SLMAP: variants seen among roughly 807,000 people sequenced by gnomAD.
SLMAP encodes sarcolemma associated protein.
Under a neutral mutation model 128.8 loss-of-function variants are expected in SLMAP, and 44 were observed. The ratio of observed to expected loss-of-function variants is 0.34; its 90% CI spans 0.27 to 0.44. The LOEUF is 0.44. Ranked by LOEUF, SLMAP falls within the 20% of genes least tolerant of loss-of-function variation. The pLI is 1.00. For synonymous variants in SLMAP, 327 were observed against 348.8 expected, an observed-to-expected ratio of 0.94 and a Z score of 0.70; for missense variants, 787 against 985.3, an observed-to-expected ratio of 0.80 and a Z score of 2.69.
intron 2 of SLMAP, among the ~76,000 whole-genome samples, chr3:57,758,180 G>A (rs1280243550): frequency 2.0e-5 from 3 of 152,214 alleles, no homozygotes; most frequent in African/African-American, 7.2e-5. Context: ...ACAGTTCAGC[G>A]CTTTATTAAG....
intron 2 of SLMAP, among the ~76,000 whole-genome samples, chr3:57,806,660 G>A (rs183010911): frequency 7.0e-4 from 106 of 151,940 alleles, no homozygotes; most frequent in East Asian, 2.7e-3. Context: ...GGCTGTTCTC[G>A]CACTCCTGAC....
At chr3:57,848,414 C>A (rs1345965962) in intron 5 of SLMAP, among the ~76,000 whole-genome samples, 1 of 150,694 alleles carries the variant, frequency 6.6e-6, no homozygotes, top group African/African-American at 2.4e-5. Flanking sequence ...TTTCTTCCTT[C>A]TTTCTTCTTC....
intron 8 of SLMAP, among the ~76,000 whole-genome samples, chr3:57,858,383 GA>G (rs945154052): frequency 1.4e-4 from 22 of 152,148 alleles, no homozygotes; most frequent in Non-Finnish European, 2.4e-4. Flanking sequence ...AATATTTCTT[GA>G]AAAAACTGGG....
At chr3:57,771,240 A>G (rs2080834600) in intron 2 of SLMAP, among the ~76,000 whole-genome samples, 1 of 147,722 alleles carries the variant, frequency 6.8e-6, no homozygotes, top group African/African-American at 2.5e-5. Flanking sequence ...AGAGAGAGAG[A>G]GAGGGAGAGA....
intron 23 of SLMAP, 128 bp from the exon 24 acceptor site, chr3:57,925,717 A>G (rs2096995225): frequency 3.0e-6 from 2 of 662,344 alleles, no homozygotes; most frequent in Admixed American, 2.6e-5. Flanking sequence ...GAATCTGTGT[A>G]AAACCTGAGT....
intron 13 of SLMAP, among the ~76,000 whole-genome samples, chr3:57,867,335 T>C (rs1255702093): frequency 6.6e-6 from 1 of 152,220 alleles, no homozygotes; most frequent in Non-Finnish European, 1.5e-5. Context: ...CTATTTAGAG[T>C]TGTAAAATTA....
intron 14 of SLMAP, among the ~76,000 whole-genome samples, chr3:57,877,831 C>CTTTTTTT (rs57685937): frequency 4.5e-5 from 5 of 111,684 alleles, no homozygotes; most frequent in Non-Finnish European, 7.4e-5. Flanking sequence ...TTTTTTCCTT[C>CTTTTTTT]TTTTTTTTTT....
At chr3:57,856,773 C>G (rs1465639675) in intron 6 of SLMAP, among the ~76,000 whole-genome samples, 1 of 152,122 alleles carries the variant, frequency 6.6e-6, no homozygotes, top group Non-Finnish European at 1.5e-5. Flanking sequence ...GTATTATGTA[C>G]TATATATAAT....
chr3:57,768,212 T>C (rs1013288990), intron 2 of SLMAP, among the ~76,000 whole-genome samples: 4 of 152,192 alleles, frequency 2.6e-5, no homozygotes, highest in South Asian at 2.1e-4. Context: ...TAGTACTGTA[T>C]CTTTTGTCAA....
intron 4 of SLMAP, among the ~76,000 whole-genome samples, chr3:57,846,645 C>T (rs1486161267): frequency 2.0e-5 from 3 of 151,570 alleles, no homozygotes; most frequent in Non-Finnish European, 4.4e-5. Flanking sequence ...CAACCTCCAC[C>T]TCCTGAGTTC....
chr3:57,825,587 A>G (rs947299299), intron 2 of SLMAP, among the ~76,000 whole-genome samples: 2 of 150,862 alleles, frequency 1.3e-5, no homozygotes, highest in Non-Finnish European at 2.9e-5. Context: ...TGAACCACCT[A>G]GGGTAAATCC....
chr3:57,847,072 C>T, intron 4 of SLMAP, 125 bp from the exon 5 acceptor site: 1 of 630,960 alleles, frequency 1.6e-6, no homozygotes, highest in Admixed American at 2.8e-5. Flanking sequence ...AAAAATAGTT[C>T]ACCTTTTTTT....
chr3:57,869,656 A>AT (rs1205359288), intron 13 of SLMAP, among the ~76,000 whole-genome samples: 1 of 136,262 alleles, frequency 7.3e-6, no homozygotes, highest in East Asian at 2.3e-4. Context: ...ATATATATAT[A>AT]TATAATATAT....
chr3:57,836,673 A>G (rs2093656216), intron 3 of SLMAP, among the ~76,000 whole-genome samples: 1 of 152,178 alleles, frequency 6.6e-6, no homozygotes, highest in African/African-American at 2.4e-5. Flanking sequence ...TTCTTTGTGT[A>G]TGGCTTCAAG....
intron 2 of SLMAP, among the ~76,000 whole-genome samples, chr3:57,784,926 C>T (rs1311551544): frequency 6.6e-6 from 1 of 152,136 alleles, no homozygotes; most frequent in Non-Finnish European, 1.5e-5. Flanking sequence ...CTTTTGCCTT[C>T]TGCCATGGTA....
intron 3 of SLMAP, among the ~76,000 whole-genome samples, chr3:57,832,953 A>G (rs1295912949): frequency 6.6e-6 from 1 of 152,232 alleles, no homozygotes; most frequent in Non-Finnish European, 1.5e-5. Flanking sequence ...GAACAGCTGC[A>G]TTAGACACTC....
chr3:57,834,934 C>T (rs889035442), intron 3 of SLMAP, among the ~76,000 whole-genome samples: 1 of 151,804 alleles, frequency 6.6e-6, no homozygotes, highest in East Asian at 1.9e-4. Flanking sequence ...CCAGCCTGGG[C>T]AACATGGTGA....
Position 57,765,493 on chromosome 3 carries a change from A to G in SLMAP, c.198+7644A>G, listed in dbSNP as rs140127894. On this transcript the variant is annotated intron_variant, in intron 2 of 24. Coordinates refer to ENST00000671191, the MANE Select transcript of SLMAP (RefSeq NM_001377540.1). ...AGGGATGATACGGCATGTTCCAAGG[A>G]CATTGTAAGGAAGACATTGTGAAGA... 1.6e-4 allele frequency among the ~76,000 whole-genome samples: 24 copies of G among 152,304 alleles called. No individual in the cohort carries two copies. In the East Asian group the frequency reaches 3.7e-3, roughly 23 times the overall value.
At chr3:57,765,495 A>G (rs1367101519) in intron 2 of SLMAP, among the ~76,000 whole-genome samples, 2 of 152,188 alleles carry the variant, frequency 1.3e-5, no homozygotes, top group African/African-American at 4.8e-5. Context: ...TTCCAAGGAC[A>G]TTGTAAGGAA....
Sources: allele counts gnomAD v4.1 joint callset (sites outside exome capture counted in the v4.1 genomes callset), GRCh38; gene constraint gnomAD v4.1.1; transcripts MANE v1.5; gene names NCBI Gene and HGNC (gene_info 2026-07-23, HGNC 2026-07-21).